PLSCR1: variants seen among roughly 807,000 people sequenced by gnomAD.
PLSCR1 encodes the protein phospholipid scramblase 1.
In PLSCR1, 17 loss-of-function variants were observed where a neutral mutation model predicts 37.8. The observed-to-expected ratio is 0.45, with a 90% confidence interval of 0.31 to 0.68. PLSCR1 has a LOEUF of 0.68. Among genes scored for constraint, PLSCR1 ranks in the 30% least tolerant of loss-of-function variants. The pLI is 0.06. For synonymous variants in PLSCR1, 116 were observed against 125.9 expected (o/e 0.92, Z 0.53); for missense variants, 347 against 380.9 (o/e 0.91, Z 0.74).
In PLSCR1 at chr3:146,521,965, G is replaced by A. The variant is rs748516411; in HGVS notation, c.444C>T (p.Cys148=). ...RVYFAAEDTD[C]CTRNCCGPSR... is the part of the protein sequence containing the mutation. The stretch of plus-strand genomic sequence containing the variant: ...ATGGCCCACAGCAATTTCGGGTACA[G>A]CAATCAGTATCTTCCGCTGCAAAGT... Residue 148 remains cysteine, a synonymous_variant, in exon 6 of 9, where the codon TGC becomes TGT. Coordinates refer to ENST00000342435, the MANE Select transcript of PLSCR1 (RefSeq NM_021105.3). The A allele has an allele frequency of 1.9e-6, 3 of 1,612,120 alleles. No homozygotes were observed. The African/African-American group carries it at 4.0e-5, about 22-fold the overall frequency.
At chr3:146,532,083 C>G (rs993682333) in intron 3 of PLSCR1, among the ~76,000 whole-genome samples, 2 of 152,136 alleles carry the variant, frequency 1.3e-5, no homozygotes, top group African/African-American at 2.4e-5. Context: ...GCATCGTTAT[C>G]TTAAGACTTG....
At chr3:146,527,619 G>A (rs553530643) in intron 4 of PLSCR1, among the ~76,000 whole-genome samples, 1 of 152,144 alleles carries the variant, frequency 6.6e-6, no homozygotes, top group Non-Finnish European at 1.5e-5. Flanking sequence ...TGTCATATGT[G>A]ATAACATCCT....
intron 7 of PLSCR1, 103 bp downstream of exon 7, chr3:146,521,441 C>A (rs935250691): frequency 2.5e-5 from 24 of 954,398 alleles, no homozygotes; most frequent in Non-Finnish European, 3.1e-5. Flanking sequence ...GCTATTGAGA[C>A]ATTGGCACAC....
chr3:146,543,846 A>T (rs2044369011), intron 1 of PLSCR1, among the ~76,000 whole-genome samples: 1 of 152,188 alleles, frequency 6.6e-6, no homozygotes, highest in Non-Finnish European at 1.5e-5. Context: ...CAGTCCACAG[A>T]CGTGAAGCAG....
intron 4 of PLSCR1, 119 bp downstream of exon 4, chr3:146,528,495 T>C (rs754252809): frequency 9.0e-6 from 7 of 780,344 alleles, no homozygotes; most frequent in Non-Finnish European, 1.3e-5. Flanking sequence ...AGTAATCTGT[T>C]AGCAGAAAAT....
intron 4 of PLSCR1, among the ~76,000 whole-genome samples, chr3:146,527,735 T>C (rs572731823): frequency 1.9e-4 from 29 of 152,288 alleles, no homozygotes; most frequent in South Asian, 1.2e-3. Context: ...CTTAAGCACA[T>C]TGTGGGAAAT....
At chr3:146,532,222 A>G (rs2044208852) in intron 3 of PLSCR1, among the ~76,000 whole-genome samples, 1 of 152,184 alleles carries the variant, frequency 6.6e-6, no homozygotes, top group Non-Finnish European at 1.5e-5. Context: ...ACTTTTAATT[A>G]GTGATAGGGT....
intron 5 of PLSCR1, among the ~76,000 whole-genome samples, 185 bp from the exon 6 acceptor site, chr3:146,522,238 T>C (rs941652155): frequency 6.6e-6 from 1 of 152,108 alleles, no homozygotes; most frequent in African/African-American, 2.4e-5. Flanking sequence ...AGATTACCAA[T>C]GTATAGAGAA....
chr3:146,524,791 T>A (rs1181849707), intron 5 of PLSCR1, among the ~76,000 whole-genome samples: 1 of 152,214 alleles, frequency 6.6e-6, no homozygotes, highest in African/African-American at 2.4e-5. Context: ...GCCAAATCCA[T>A]TATTCTGCTT....
chr3:146,531,660 A>G (rs2044200583), intron 3 of PLSCR1, among the ~76,000 whole-genome samples: 2 of 152,222 alleles, frequency 1.3e-5, no homozygotes, highest in African/African-American at 4.8e-5. Flanking sequence ...TATGTTAGCA[A>G]ATACTTGTCA....
chr3:146,539,810 T>C (rs2044313965), intron 1 of PLSCR1, among the ~76,000 whole-genome samples: 1 of 152,216 alleles, frequency 6.6e-6, no homozygotes, highest in African/African-American at 2.4e-5. Flanking sequence ...TCTCAAGCAT[T>C]GAAAGTGGTA....
At chr3:146,521,769 C>T in intron 6 of PLSCR1, 64 bp from the exon 7 acceptor site, 1 of 1,574,452 alleles carries the variant, frequency 6.4e-7, no homozygotes, top group Non-Finnish European at 8.7e-7. Context: ...ATGAAAGGTT[C>T]AATGACAGGG....
At position 146,521,890 on chromosome 3, in the gene PLSCR1, T is replaced by A; in HGVS notation, c.519A>T (p.Ile173=). ...TACATCTTAGTGGTCTCTCCAGAGT[T>A]ATGACTTCTTGACCCATATTATCAA... ...RIIDNMGQEV[I]TLERPLRCSS... is the part of the protein sequence containing the mutation. The change falls in exon 6 of 9, where the codon ATA becomes ATT. Residue 173 remains isoleucine, a synonymous_variant. Coordinates refer to ENST00000342435, the MANE Select transcript of PLSCR1 (RefSeq NM_021105.3). The A allele has an allele frequency of 6.2e-7, 1 of 1,614,002 alleles. No individual in the cohort carries two copies. Among genetic ancestry groups the A allele is most frequent in the Non-Finnish European group, 8.5e-7 (1 of 1,179,888 alleles).
chr3:146,526,966 C>T (rs1331612978), intron 4 of PLSCR1, among the ~76,000 whole-genome samples: 2 of 152,012 alleles, frequency 1.3e-5, no homozygotes, highest in African/African-American at 2.4e-5. Flanking sequence ...ATGGTGAAAC[C>T]GTCTCTACTA....
intron 4 of PLSCR1, among the ~76,000 whole-genome samples, chr3:146,526,183 C>CAAAAAAAAAAAAAAAAAAAAAAA (rs60229241): frequency 4.7e-5 from 2 of 42,822 alleles, no homozygotes; most frequent in African/African-American, 9.7e-5. Flanking sequence ...GACTCCATCT[C>CAAAAAAAAAAAAAAAAAAAAAAA]AAAAAAAAAA....
Position 146,515,853 on chromosome 3 carries a change from T to C in PLSCR1, c.*192A>G, listed in dbSNP as rs2043938609. On this transcript the variant is annotated 3_prime_UTR_variant, in exon 9 of 9. Transcript: ENST00000342435. ...AAACTCATATGTCCTTTTTCTCAAA[T>C]TGACAATGAGTATTAAAAAATGTAC... is the stretch of plus-strand genomic sequence containing the variant. 8 of 408,296 alleles carry C rather than the reference T, an allele frequency of 2.0e-5. No homozygotes were observed. The highest frequency in any genetic ancestry group is 3.5e-5 in the Non-Finnish European group (8 of 229,810). The allele number at this position is 408,296 out of a possible 1,614,324, so 25.3% of individuals were successfully genotyped here.
chr3:146,542,699 T>A (rs986971409), intron 1 of PLSCR1, among the ~76,000 whole-genome samples: 2 of 152,170 alleles, frequency 1.3e-5, no homozygotes, highest in African/African-American at 4.8e-5. Flanking sequence ...AGTGTTTTGG[T>A]TTTTTAATTT....
At chr3:146,534,333 G>T (rs1241678457) in intron 2 of PLSCR1, among the ~76,000 whole-genome samples, 1 of 151,340 alleles carries the variant, frequency 6.6e-6, no homozygotes, top group Non-Finnish European at 1.5e-5. Flanking sequence ...AGCTTAAGGT[G>T]CAGTAGACAC....
chr3:146,528,500 G>A (rs1414246956), intron 4 of PLSCR1, 114 bp downstream of exon 4: 1 of 822,700 alleles, frequency 1.2e-6, no homozygotes, highest in African/African-American at 1.7e-5. Context: ...TCTGTTAGCA[G>A]AAAATACAGT....
Sources: gnomAD v4.1 joint callset for allele counts (sites outside exome capture counted in the v4.1 genomes callset) on GRCh38, gnomAD v4.1.1 for gene constraint, MANE v1.5 for transcripts, NCBI Gene and HGNC (gene_info 2026-07-23, HGNC 2026-07-21) for gene names.